The following TSPO variants were observed in gnomAD, a reference collection of about 807,000 sequenced individuals.
TSPO encodes the protein translocator protein.
In TSPO, 14 loss-of-function variants were observed where a neutral mutation model predicts 13.9. The ratio of observed to expected loss-of-function variants is 1.01; its 90% CI spans 0.67 to 1.58. The LOEUF (loss-of-function observed/expected upper bound fraction) is 1.58. Ranked by LOEUF, TSPO falls within the 40% of genes most tolerant of loss-of-function variation. The probability of loss-of-function intolerance (pLI) is 0.00; values close to 1 mark genes in which losing one functional copy is unlikely to be tolerated. For synonymous variants in TSPO, 114 were observed against 105.9 expected (o/e 1.08, Z -0.47); for missense variants, 232 against 229.6 (o/e 1.01, Z -0.07).
In TSPO at chr22:43,160,064, C is replaced by T. The variant is rs553285312; in HGVS notation, c.182+644C>T. On this transcript the variant is annotated intron_variant, in intron 2 of 3. Transcript: ENST00000337554. The stretch of plus-strand genomic sequence containing the variant: ...GTGCCAGCGCAGTGCAGGGTGGGGA[C>T]GCAGGTGCCAGGCACTCTAGGGGGC... Among the ~76,000 whole-genome samples, 172 of 152,294 alleles carry T rather than the reference C, an allele frequency of 1.1e-3. 1 individual carries two copies. Among genetic ancestry groups the T allele is most frequent in the African/African-American group, 3.6e-3 (149 of 41,574 alleles).
intron 3 of TSPO, 115 bp downstream of exon 3, chr22:43,161,305 G>T (rs1931430760): frequency 4.2e-6 from 6 of 1,418,390 alleles, no homozygotes; most frequent in Non-Finnish European, 5.7e-6. Context: ...GAGACAAAAG[G>T]CCATGTCTCT....
In TSPO at chr22:43,162,645, T is replaced by C. The variant is rs539534374; in HGVS notation, c.322-158T>C. 8.5e-5 allele frequency among the ~76,000 whole-genome samples: 13 copies of C among 152,298 alleles called. 1 individual carries two copies. The South Asian group carries it at 2.7e-3, about 32-fold the overall frequency. On this transcript the variant is annotated intron_variant, in intron 3 of 3. Coordinates refer to ENST00000337554, the MANE Select transcript of TSPO (RefSeq NM_000714.6). Reference sequence around the variant, plus strand: ...ATTTTACAGATGAGGAAACTGAGGCTGCGATGGGGGAGGGGCTTGGCCAGG... The same window carrying C: ...ATTTTACAGATGAGGAAACTGAGGCCGCGATGGGGGAGGGGCTTGGCCAGG...
At position 43,161,055 on chromosome 22, in the gene TSPO, C is replaced by T. The variant is rs774883859; in HGVS notation, c.186C>T (p.Tyr62=). Residue 62 remains tyrosine, a synonymous_variant, in exon 3 of 4, where the codon TAC becomes TAT. Transcript: ENST00000337554. ...TGAACTGCGGCCTCTGTTTCAGGTACGGCTCCTACCTGGTCTGGAAAGAGC... is the reference window on the plus strand; with the variant it reads ...TGAACTGCGGCCTCTGTTTCAGGTATGGCTCCTACCTGGTCTGGAAAGAGC... ...VWGTLYSAMG[Y]GSYLVWKELG... 5.0e-5 allele frequency: 80 copies of T among 1,612,164 alleles called. No homozygotes were observed. Among genetic ancestry groups the T allele is most frequent in the Middle Eastern group, 3.3e-4 (2 of 6,076 alleles).
intron 1 of TSPO, among the ~76,000 whole-genome samples, chr22:43,155,995 T>C (rs558584194): frequency 6.6e-6 from 1 of 152,316 alleles, no homozygotes; most frequent in East Asian, 1.9e-4. Flanking sequence ...AGCTGGGCAG[T>C]TCCCCAGAGG....
rs1433826410 is a variant in TSPO at position 43,162,876 on chromosome 22, T to TGGCCGCCCGCC, written c.396_406dup (p.Leu136ArgfsTer57). ...GTGGCCTGGTACCAGGTGAGCCCGC[T>TGGCCGCCCGCC]GGCCGCCCGCCTGCTCTACCCCTAC... On this transcript the variant is annotated frameshift_variant, in exon 4 of 4. Transcript: ENST00000337554. LOFTEE classifies it low-confidence loss of function (END_TRUNC). The TGGCCGCCCGCC allele has an allele frequency of 7.6e-6, 12 of 1,577,958 alleles. No individual in the cohort carries two copies. Among genetic ancestry groups the TGGCCGCCCGCC allele is most frequent in the Non-Finnish European group, 9.5e-6 (11 of 1,163,224 alleles).
intron 1 of TSPO, among the ~76,000 whole-genome samples, chr22:43,158,439 C>A (rs1002502325): frequency 6.6e-6 from 1 of 152,146 alleles, no homozygotes; most frequent in Non-Finnish European, 1.5e-5. Flanking sequence ...ACTCCTGATT[C>A]TCCACCTAGA....
Position 43,161,115 on chromosome 22 carries a change from G to A in TSPO, c.246G>A (p.Leu82=). Reference sequence around the variant, plus strand: ...TCACAGAGAAGGCTGTGGTTCCCCTGGGCCTCTACACTGGGCAGCTGGCCC... The same window carrying A: ...TCACAGAGAAGGCTGTGGTTCCCCTAGGCCTCTACACTGGGCAGCTGGCCC... The part of the protein sequence containing the change: ...GGFTEKAVVP[L]GLYTGQLALN... Residue 82 remains leucine, a synonymous_variant, in exon 3 of 4, where the codon CTG becomes CTA. Transcript: ENST00000337554. 6.2e-7 allele frequency: 1 copy of A among 1,614,174 alleles called. No homozygotes were observed. The highest frequency in any genetic ancestry group is 8.5e-7 in the Non-Finnish European group (1 of 1,179,998).
chr22:43,153,249 C>T (rs1931144616), intron 1 of TSPO, among the ~76,000 whole-genome samples: 1 of 151,406 alleles, frequency 6.6e-6, no homozygotes, highest in South Asian at 2.1e-4. Flanking sequence ...CTGCAGAACT[C>T]CTGGGCTCAA....
intron 1 of TSPO, among the ~76,000 whole-genome samples, chr22:43,154,876 C>T (rs1034875886): frequency 1.3e-5 from 2 of 152,038 alleles, no homozygotes; most frequent in Non-Finnish European, 2.9e-5. Flanking sequence ...CTGCAGGGCC[C>T]GATGCTCTGT....
At chr22:43,161,510 C>A (rs138916) in intron 3 of TSPO, among the ~76,000 whole-genome samples, 1 of 151,088 alleles carries the variant, frequency 6.6e-6, no homozygotes, top group Admixed American at 6.6e-5. Context: ...TTTTTTGAGA[C>A]AGAGTCTCAC....
In TSPO at chr22:43,159,293, T is replaced by C; in HGVS notation, c.55T>C (p.Cys19Arg). The C allele has an allele frequency of 6.4e-7, 1 of 1,553,484 alleles. No homozygotes were observed. Among genetic ancestry groups the C allele is most frequent in the Non-Finnish European group, 8.7e-7 (1 of 1,149,012 alleles). Residue 19 changes from cysteine to arginine, a missense_variant, in exon 2 of 4, where the codon TGC becomes CGC. Transcript: ENST00000337554. Reference sequence around the variant, plus strand: ...CTTCACGCTGGCGCCCAGCCTGGGGTGCTTCGTGGGCTCCCGCTTTGTCCA... The same window carrying C: ...CTTCACGCTGGCGCCCAGCCTGGGGCGCTTCGTGGGCTCCCGCTTTGTCCA... ...MGFTLAPSLG[C>R]FVGSRFVHGE...
At chr22:43,162,602 G>A (rs1348721622) in intron 3 of TSPO, among the ~76,000 whole-genome samples, 1 of 152,208 alleles carries the variant, frequency 6.6e-6, no homozygotes, top group Non-Finnish European at 1.5e-5. Flanking sequence ...GCATGGGTCA[G>A]GTGGCATGAC....
intron 1 of TSPO, among the ~76,000 whole-genome samples, chr22:43,153,994 C>T (rs927958710): frequency 3.3e-5 from 5 of 152,220 alleles, no homozygotes; most frequent in Admixed American, 6.5e-5. Context: ...GTTTAACCCC[C>T]GAACCTCGAA....
rs1286318095 is a variant in TSPO, at chr22:43,159,424, G to A, written c.182+4G>A. The A allele has an allele frequency of 2.6e-6, 4 of 1,512,202 alleles. No individual in the cohort carries two copies. Among genetic ancestry groups the A allele is most frequent in the African/African-American group, 2.8e-5 (2 of 72,084 alleles). 93.7% of individuals were successfully genotyped at this position (1,512,202 alleles called of 1,614,324 possible). On this transcript the variant is annotated splice_donor_region_variant and intron_variant, in intron 2 of 3. Coordinates refer to ENST00000337554, the MANE Select transcript of TSPO (RefSeq NM_000714.6). ...GCACGCTCTACTCAGCCATGGGGTA[G>A]GTGGGCGTGCACTGGCCTGGGGATA... is the stretch of plus-strand genomic sequence containing the variant.
At chr22:43,161,841 T>C (rs1298546285) in intron 3 of TSPO, among the ~76,000 whole-genome samples, 4 of 152,120 alleles carry the variant, frequency 2.6e-5, no homozygotes, top group Admixed American at 1.3e-4. Context: ...TTTTAAGAGA[T>C]GAAGACTCGC....
At chr22:43,159,137 G>A (rs1023655178) in intron 1 of TSPO, 73 bp from the exon 2 acceptor site, 9 of 1,220,616 alleles carry the variant, frequency 7.4e-6, no homozygotes, top group Non-Finnish European at 9.8e-6. Context: ...GCCTTTCGGG[G>A]ATGCTGGAGG....
chr22:43,155,681 G>A (rs991785077), intron 1 of TSPO, among the ~76,000 whole-genome samples: 51 of 152,148 alleles, frequency 3.4e-4, no homozygotes, highest in African/African-American at 1.1e-3. Flanking sequence ...CAGACACAGC[G>A]GGTTTACCCA....
chr22:43,155,254 A>G (rs1931215021), intron 1 of TSPO, among the ~76,000 whole-genome samples: 1 of 152,168 alleles, frequency 6.6e-6, no homozygotes, highest in South Asian at 2.1e-4. Flanking sequence ...CTCAGGGAGA[A>G]GCAGCTGGTC....
intron 2 of TSPO, 134 bp downstream of exon 2, chr22:43,159,554 G>A (rs1247925171): frequency 9.9e-7 from 1 of 1,007,074 alleles, no homozygotes. Flanking sequence ...GCAAGCCAGG[G>A]TGGGGAAGCT....
Sources: gnomAD v4.1 joint callset for allele counts (sites outside exome capture counted in the v4.1 genomes callset) on GRCh38, gnomAD v4.1.1 for gene constraint, MANE v1.5 for transcripts, NCBI Gene and HGNC (gene_info 2026-07-23, HGNC 2026-07-21) for gene names.